Variants in MAPK6 observed in about 807,000 individuals in gnomAD.
The protein encoded by MAPK6 is ERK-3.
MAPK6 carries 19 observed loss-of-function variants against 59.3 expected under a neutral mutation model. The observed-to-expected ratio is 0.32, with a 90% confidence interval of 0.22 to 0.47. The LOEUF is 0.47. Ranked by LOEUF, MAPK6 falls within the 20% of genes least tolerant of loss-of-function variation. The pLI is 1.00. For synonymous variants in MAPK6, 316 were observed against 290.3 expected (o/e 1.09, Z -0.90); for missense variants, 724 against 847.9 (o/e 0.85, Z 1.81).
chr15:52,027,336 C>T (rs1022830473), intron 1 of MAPK6, among the ~76,000 whole-genome samples: 30 of 115,228 alleles, frequency 2.6e-4, no homozygotes, highest in African/African-American at 3.1e-4. Context: ...GGTGACAGAG[C>T]GAGACTCCCT....
intron 2 of MAPK6, among the ~76,000 whole-genome samples, chr15:51,985,202 G>T (rs1484400770): frequency 6.6e-6 from 1 of 152,048 alleles, no homozygotes; most frequent in African/African-American, 2.4e-5. Flanking sequence ...AATTAGCTGG[G>T]TGTGGTGGCA....
chr15:52,034,775 A>G (rs1261494401), intron 1 of MAPK6, among the ~76,000 whole-genome samples: 5 of 151,446 alleles, frequency 3.3e-5, no homozygotes, highest in Admixed American at 1.3e-4. Context: ...TCAGCTCACT[A>G]CAACCTCCTC....
rs747410314 is a variant in MAPK6, at chr15:52,064,560, G to A, written c.1726G>A (p.Glu576Lys). 2.9e-5 allele frequency: 46 copies of A among 1,611,264 alleles called. 1 individual carries two copies. In the South Asian group the frequency reaches 4.8e-4, roughly 17 times the overall value. Residue 576 changes from glutamate to lysine, a missense_variant, in exon 6 of 6, where the codon GAA (glutamate) becomes AAA (lysine). Glu to Lys is a moderately conservative substitution (Grantham distance 56). Coordinates refer to ENST00000261845, the MANE Select transcript of MAPK6 (RefSeq NM_002748.4). ...AAAGTCAGTAAGCCAAGAAAAACAGGAAAAAGGAATGGCAAATCTGGCTCA... is the reference window on the plus strand; with the variant it reads ...AAAGTCAGTAAGCCAAGAAAAACAGAAAAAAGGAATGGCAAATCTGGCTCA... ...ISKSVSQEKQ[E>K]KGMANLAQLE...
At chr15:52,022,402 A>G (rs1380527532) in intron 1 of MAPK6, among the ~76,000 whole-genome samples, 2 of 152,112 alleles carry the variant, frequency 1.3e-5, no homozygotes, top group East Asian at 3.9e-4. Flanking sequence ...CTGGGACTAC[A>G]GCTGTGTGCG....
At chr15:52,032,885 A>G (rs2141878133) in intron 1 of MAPK6, among the ~76,000 whole-genome samples, 1 of 152,038 alleles carries the variant, frequency 6.6e-6, no homozygotes, top group Admixed American at 6.6e-5. Flanking sequence ...GGGTTTCTCC[A>G]TGTTGGTCAG....
intron 2 of MAPK6, among the ~76,000 whole-genome samples, chr15:51,987,207 T>A (rs1366897293): frequency 6.6e-6 from 1 of 152,200 alleles, no homozygotes; most frequent in Non-Finnish European, 1.5e-5. Flanking sequence ...ACTTTTATAA[T>A]GCAAAAAGAA....
At chr15:52,060,312 T>C (rs1434155172) in intron 4 of MAPK6, among the ~76,000 whole-genome samples, 1 of 152,226 alleles carries the variant, frequency 6.6e-6, no homozygotes, top group Non-Finnish European at 1.5e-5. Flanking sequence ...AAAGGCCATC[T>C]TTCTCACTTA....
intron 1 of MAPK6, among the ~76,000 whole-genome samples, chr15:52,023,052 A>G (rs920042471): frequency 2.3e-5 from 3 of 131,998 alleles, no homozygotes; most frequent in African/African-American, 8.4e-5. Flanking sequence ...GGTTGCAGTG[A>G]GCCGAGATTG....
intron 2 of MAPK6, among the ~76,000 whole-genome samples, chr15:52,003,232 C>T (rs1482561322): frequency 3.9e-5 from 6 of 152,006 alleles, no homozygotes; most frequent in East Asian, 1.9e-4. Flanking sequence ...GATCAGATCT[C>T]GTGAGAACTC....
chr15:52,039,284 T>C (rs547731845), intron 1 of MAPK6, among the ~76,000 whole-genome samples: 1 of 152,140 alleles, frequency 6.6e-6, no homozygotes, highest in East Asian at 1.9e-4. Context: ...CGCCTGGCTG[T>C]AACTAGACTT....
chr15:51,992,707 T>C (rs2057213607), intron 2 of MAPK6, among the ~76,000 whole-genome samples: 6 of 152,096 alleles, frequency 3.9e-5, no homozygotes, highest in Admixed American at 3.3e-4. Context: ...CTCCTTGGGT[T>C]CAATTAGTTT....
chr15:52,026,567 C>T (rs1211257530), intron 1 of MAPK6, among the ~76,000 whole-genome samples: 1 of 151,348 alleles, frequency 6.6e-6, no homozygotes, highest in Non-Finnish European at 1.5e-5. Context: ...GCAGGGATTA[C>T]AGGCGTGAGC....
chr15:52,022,412 G>C (rs767203377), intron 1 of MAPK6, among the ~76,000 whole-genome samples: 2 of 151,934 alleles, frequency 1.3e-5, no homozygotes, highest in Non-Finnish European at 2.9e-5. Context: ...AGCTGTGTGC[G>C]ACCATGCCTG....
At chr15:51,981,801 C>T (rs999140206) in intron 1 of MAPK6, among the ~76,000 whole-genome samples, 11 of 151,458 alleles carry the variant, frequency 7.3e-5, no homozygotes, top group Non-Finnish European at 1.2e-4. Context: ...GGATGGGGTA[C>T]GGAGGGTGCT....
At chr15:51,974,011 A>G (rs905305760) in intron 1 of MAPK6, among the ~76,000 whole-genome samples, 1 of 151,896 alleles carries the variant, frequency 6.6e-6, no homozygotes, top group African/African-American at 2.4e-5. Context: ...TTCTTCATAA[A>G]GGATATAATA....
chr15:52,023,002 G>C (rs2030596265), intron 1 of MAPK6, among the ~76,000 whole-genome samples: 1 of 150,304 alleles, frequency 6.7e-6, no homozygotes. Flanking sequence ...AGCTACTCAG[G>C]AGGCTGAGGC....
chr15:52,048,586 C>T (rs995136151), intron 2 of MAPK6, among the ~76,000 whole-genome samples: 1 of 152,094 alleles, frequency 6.6e-6, no homozygotes, highest in Non-Finnish European at 1.5e-5. Flanking sequence ...CCAGCCTGGG[C>T]AACAGGAGCA....
At chr15:52,037,613 G>T (rs1296032743) in intron 1 of MAPK6, among the ~76,000 whole-genome samples, 1 of 152,144 alleles carries the variant, frequency 6.6e-6, no homozygotes, top group Non-Finnish European at 1.5e-5. Flanking sequence ...TCTTCATTCT[G>T]AGTGGGTTGA....
At chr15:51,996,461 T>C (rs1251449736) in intron 2 of MAPK6, among the ~76,000 whole-genome samples, 1 of 151,594 alleles carries the variant, frequency 6.6e-6, no homozygotes. Context: ...AGTGGTGCAA[T>C]CTTGGCTCAC....
Sources: gnomAD v4.1 joint callset for allele counts (sites outside exome capture counted in the v4.1 genomes callset) on GRCh38, gnomAD v4.1.1 for gene constraint, MANE v1.5 for transcripts, NCBI Gene and HGNC (gene_info 2026-07-23, HGNC 2026-07-21) for gene names.